The following SLC9A2 variants were observed in gnomAD, a reference collection of about 807,000 sequenced individuals.
SLC9A2 encodes the protein solute carrier family 9 member A2.
SLC9A2 carries 42 observed loss-of-function variants against 71.7 expected under a neutral mutation model. The ratio of observed to expected loss-of-function variants is 0.59; its 90% CI spans 0.46 to 0.76. The LOEUF (loss-of-function observed/expected upper bound fraction) is 0.76. Among genes scored for constraint, SLC9A2 ranks in the 30% least tolerant of loss-of-function variants. The pLI is 0.00. For missense variants in SLC9A2, 829 were observed against 1,017.4 expected, an observed-to-expected ratio of 0.81 and a Z score of 2.52; for synonymous variants, 396 against 392.5, an observed-to-expected ratio of 1.01 and a Z score of -0.10.
intron 1 of SLC9A2, among the ~76,000 whole-genome samples, chr2:102,621,664 TGC>T (rs1159631524): frequency 2.6e-5 from 4 of 152,218 alleles, no homozygotes; most frequent in African/African-American, 9.6e-5. Flanking sequence ...ACGCATTGTC[TGC>T]CATCCTCAGG....
chr2:102,702,337 C>T lies in SLC9A2; in HGVS notation c.1749-69C>T, dbSNP rs1677887412. 5.7e-6 allele frequency: 5 copies of T among 873,606 alleles called. No individual in the cohort carries two copies. The South Asian group carries it at 7.5e-5, about 13-fold the overall frequency. 54.1% of individuals were successfully genotyped at this position (873,606 alleles called of 1,614,324 possible). A position where few individuals can be genotyped will look rare whatever the true frequency, so the allele number is the denominator to read the frequency against. On this transcript the variant is annotated intron_variant, in intron 8 of 11. Coordinates refer to ENST00000233969, the MANE Select transcript of SLC9A2 (RefSeq NM_003048.6). Reference sequence around the variant, plus strand: ...AGACTTGTCTTAAATACTTATATCTCTAAGGAAGAAAATCAATGATTCTAA... The same window carrying T: ...AGACTTGTCTTAAATACTTATATCTTTAAGGAAGAAAATCAATGATTCTAA...
At chr2:102,629,249 T>G (rs1676310612) in intron 1 of SLC9A2, among the ~76,000 whole-genome samples, 1 of 152,176 alleles carries the variant, frequency 6.6e-6, no homozygotes, top group Non-Finnish European at 1.5e-5. Flanking sequence ...TTGTTACATC[T>G]CCAGAGTGAG....
rs1349572171 is a variant in SLC9A2 at position 102,708,169 on chromosome 2, T to G, written c.2119T>G (p.Leu707Val). The G allele has an allele frequency of 1.2e-6, 2 of 1,614,128 alleles. No homozygotes were observed. Among genetic ancestry groups the G allele is most frequent in the Admixed American group, 1.7e-5 (1 of 60,026 alleles). The change falls in exon 12 of 12, where the codon TTG becomes GTG. Residue 707 changes from leucine (L) to valine (V), a missense_variant. By Grantham distance (32) the Leu-to-Val change is conservative. Around this residue, in one of 3 missense-constraint regions of SLC9A2, gnomAD observed 223 missense variants for 197.5 expected, o/e 1.13. Transcript: ENST00000233969. ...AGATGCCGGGACCACCGTGCTCAAT[T>G]TGCAGCCCAGAGCCAGGCGCTTCTT... The part of the protein sequence containing the change: ...DADAGTTVLN[L>V]QPRARRFLPE...
chr2:102,680,036 G>A (rs1342002832), intron 3 of SLC9A2, among the ~76,000 whole-genome samples: 1 of 152,084 alleles, frequency 6.6e-6, no homozygotes, highest in Non-Finnish European at 1.5e-5. Flanking sequence ...TTCCATATTT[G>A]TCTATAAGTT....
intron 3 of SLC9A2, among the ~76,000 whole-genome samples, chr2:102,672,783 A>G (rs1677279262): frequency 6.6e-6 from 1 of 152,162 alleles, no homozygotes. Context: ...CCCTGGGTTG[A>G]GATAATATAT....
intron 3 of SLC9A2, among the ~76,000 whole-genome samples, chr2:102,673,511 C>A (rs1443807442): frequency 6.6e-6 from 1 of 152,118 alleles, no homozygotes; most frequent in Non-Finnish European, 1.5e-5. Flanking sequence ...CTTTAAATTA[C>A]ATAAAACTTT....
At chr2:102,686,559 T>C (rs1346704375) in intron 5 of SLC9A2, 1 of 152,240 alleles carries the variant, frequency 6.6e-6, no homozygotes, top group Admixed American at 6.5e-5. Context: ...CTTTCTGCTT[T>C]CGCGCAGTAA....
chr2:102,653,863 A>G (rs1385409467), intron 1 of SLC9A2, among the ~76,000 whole-genome samples: 2 of 152,114 alleles, frequency 1.3e-5, no homozygotes, highest in Admixed American at 1.3e-4. Context: ...TACATATAGG[A>G]GGGGAAGGCA....
intron 6 of SLC9A2, 32 bp from the exon 7 acceptor site, chr2:102,695,011 A>T: frequency 1.3e-6 from 2 of 1,574,062 alleles, no homozygotes; most frequent in South Asian, 2.2e-5. Flanking sequence ...TCAGGTAAAG[A>T]CTAATCAATT....
At position 102,694,487 on chromosome 2, in the gene SLC9A2, A is replaced by T; in HGVS notation, c.1499A>T (p.Glu500Val). Residue 500 changes from glutamate to valine, a missense_variant, in exon 6 of 12, where the codon GAA becomes GTA. Physicochemically the swap from Glu to Val is moderately radical, Grantham distance 121. Around this residue, in one of 3 missense-constraint regions of SLC9A2, gnomAD observed 500 missense variants for 726.3 expected, o/e 0.69. Transcript: ENST00000233969. ...RSNKKQQAVSEEIYCRLFDHV... is the reference protein window; with the variant it reads ...RSNKKQQAVSVEIYCRLFDHV... Reference sequence around the variant, plus strand: ...AATAAGAAACAACAAGCTGTCAGTGAAGAAATCTATTGTCGGGTAGGTGTT... The same window carrying T: ...AATAAGAAACAACAAGCTGTCAGTGTAGAAATCTATTGTCGGGTAGGTGTT... 6.5e-7 allele frequency: 1 copy of T among 1,535,172 alleles called. No individual in the cohort carries two copies. Among genetic ancestry groups the T allele is most frequent in the Non-Finnish European group, 8.9e-7 (1 of 1,126,928 alleles).
At chr2:102,659,961 T>A (rs1402350609) in intron 2 of SLC9A2, among the ~76,000 whole-genome samples, 1 of 152,028 alleles carries the variant, frequency 6.6e-6, no homozygotes, top group Non-Finnish European at 1.5e-5. Flanking sequence ...CTCAGTAGAG[T>A]CAAATTCATT....
chr2:102,670,191 T>G (rs1192686981), intron 3 of SLC9A2, among the ~76,000 whole-genome samples: 1 of 140,918 alleles, frequency 7.1e-6, no homozygotes, highest in East Asian at 2.2e-4. Context: ...TTTTTTTTTG[T>G]ATTTTTAGTA....
chr2:102,659,198 C>T (rs972844960), intron 2 of SLC9A2, among the ~76,000 whole-genome samples: 1 of 150,008 alleles, frequency 6.7e-6, no homozygotes, highest in Non-Finnish European at 1.5e-5. Flanking sequence ...GAGGCTGAGG[C>T]AGGTGGATCA....
At position 102,665,235 on chromosome 2, in the gene SLC9A2, G is replaced by A. The variant is rs1392060878; in HGVS notation, c.889G>A (p.Ala297Thr). 6.2e-7 allele frequency: 1 copy of A among 1,614,072 alleles called. No individual in the cohort carries two copies. Among genetic ancestry groups the A allele is most frequent in the Non-Finnish European group, 8.5e-7 (1 of 1,180,026 alleles). The stretch of plus-strand genomic sequence containing the variant: ...TGGCATCTTCTTGGGCTTTATAGCG[G>A]CATTTACTACTCGATTCACCCATAA... ...LIGIFLGFIA[A>T]FTTRFTHNIR... The change falls in exon 3 of 12, where the codon GCA becomes ACA. Residue 297 changes from alanine (A) to threonine (T), a missense_variant. Transcript: ENST00000233969.
chr2:102,692,855 T>A (rs909640430), intron 5 of SLC9A2, among the ~76,000 whole-genome samples: 1 of 152,164 alleles, frequency 6.6e-6, no homozygotes, highest in Non-Finnish European at 1.5e-5. Context: ...TATCTCAAAA[T>A]GTCCTTAATC....
chr2:102,691,193 G>A (rs1677655069), intron 5 of SLC9A2, among the ~76,000 whole-genome samples: 1 of 152,170 alleles, frequency 6.6e-6, no homozygotes, highest in Non-Finnish European at 1.5e-5. Context: ...CCTCAGAGGT[G>A]GTGTTTAGTA....
intron 1 of SLC9A2, among the ~76,000 whole-genome samples, chr2:102,630,520 G>T (rs183485992): frequency 2.0e-5 from 3 of 151,714 alleles, no homozygotes; most frequent in South Asian, 2.1e-4. Context: ...ATTTTTTAAC[G>T]TGTCTAAGTA....
At chr2:102,641,884 A>T (rs904620141) in intron 1 of SLC9A2, among the ~76,000 whole-genome samples, 1 of 112,232 alleles carries the variant, frequency 8.9e-6, no homozygotes, top group Non-Finnish European at 1.7e-5. Context: ...AACATCACAC[A>T]CCAGGGCCTG....
intron 7 of SLC9A2, among the ~76,000 whole-genome samples, chr2:102,695,800 T>TTA (rs1240551503): frequency 1.5e-4 from 14 of 93,014 alleles, no homozygotes; most frequent in African/African-American, 3.5e-4. Flanking sequence ...TATATATATA[T>TTA]TATATATATA....
Sources: gnomAD v4.1 joint callset for allele counts (sites outside exome capture counted in the v4.1 genomes callset) on GRCh38, gnomAD v4.1.1 for gene constraint, gnomAD v4.1.1 regional missense constraint, MANE v1.5 for transcripts, NCBI Gene and HGNC (gene_info 2026-07-23, HGNC 2026-07-21) for gene names.